TAFA4: variants seen among roughly 807,000 people sequenced by gnomAD.
TAFA4 encodes the protein TAFA chemokine like family member 4.
A neutral mutation model predicts 21.1 loss-of-function variants in TAFA4; 20 were observed. The ratio of observed to expected loss-of-function variants is 0.95; its 90% CI spans 0.67 to 1.38. The LOEUF is 1.38. TAFA4 is among the 40% of genes most tolerant of loss of function. The pLI, the probability that TAFA4 is intolerant of heterozygous loss-of-function variation, is 0.00. For synonymous variants in TAFA4, 71 were observed against 67.4 expected (o/e 1.05, Z -0.26); for missense variants, 211 against 180.9 (o/e 1.17, Z -0.95).
At chr3:68,858,452 G>A (rs977231950) in intron 3 of TAFA4, among the ~76,000 whole-genome samples, 3 of 151,934 alleles carry the variant, frequency 2.0e-5, no homozygotes, top group African/African-American at 7.3e-5. Flanking sequence ...CCCAATTGAT[G>A]GGAAAAGGAA....
chr3:68,737,983 C>A (rs942204388), intron 5 of TAFA4, among the ~76,000 whole-genome samples: 1 of 152,130 alleles, frequency 6.6e-6, no homozygotes, highest in Non-Finnish European at 1.5e-5. Context: ...CTGGGACTAG[C>A]AGGGAAAGCA....
chr3:68,920,286 A>C (rs537588061), intron 1 of TAFA4, among the ~76,000 whole-genome samples: 1 of 152,372 alleles, frequency 6.6e-6, no homozygotes, highest in African/African-American at 2.4e-5. Context: ...AAGTGAAAAA[A>C]TTCACACACA....
intron 4 of TAFA4, among the ~76,000 whole-genome samples, chr3:68,746,336 C>T (rs1559757081): frequency 2.0e-5 from 3 of 151,544 alleles, no homozygotes; most frequent in African/African-American, 7.3e-5. Context: ...ACATCTATCT[C>T]ATATATACAT....
intron 1 of TAFA4, among the ~76,000 whole-genome samples, chr3:68,892,495 T>C (rs2089740213): frequency 6.6e-6 from 1 of 152,104 alleles, no homozygotes; most frequent in Admixed American, 6.6e-5. Context: ...ATTAATCAGG[T>C]GATGGATACA....
At chr3:68,931,610 G>T (rs79904138) in intron 1 of TAFA4, among the ~76,000 whole-genome samples, 1 of 152,156 alleles carries the variant, frequency 6.6e-6, no homozygotes, top group Non-Finnish European at 1.5e-5. Flanking sequence ...TGCCACCTTG[G>T]TGGGCAAATC....
intron 3 of TAFA4, among the ~76,000 whole-genome samples, chr3:68,770,644 C>A (rs1444695164): frequency 6.6e-6 from 1 of 152,176 alleles, no homozygotes; most frequent in Admixed American, 6.5e-5. Flanking sequence ...ATCCTTCATA[C>A]ATTTTTAAAA....
At chr3:68,931,961 A>G (rs1423766027) in intron 1 of TAFA4, among the ~76,000 whole-genome samples, 1 of 152,170 alleles carries the variant, frequency 6.6e-6, no homozygotes, top group East Asian at 1.9e-4. Flanking sequence ...GGATTCTGTC[A>G]GACATGAACC....
intron 3 of TAFA4, among the ~76,000 whole-genome samples, chr3:68,774,906 G>A (rs1040827972): frequency 6.6e-6 from 1 of 152,064 alleles, no homozygotes; most frequent in South Asian, 2.1e-4. Flanking sequence ...CATAGGAGGA[G>A]GCTCTATACT....
chr3:68,783,703 G>A (rs867685526), intron 3 of TAFA4, among the ~76,000 whole-genome samples: 2,934 of 88,626 alleles, frequency 0.033, 100 homozygotes, highest in East Asian at 0.27. Context: ...GAGAGAGAGA[G>A]AGAGAAAGAA....
At chr3:68,856,689 A>G (rs1020930711) in intron 3 of TAFA4, among the ~76,000 whole-genome samples, 5 of 152,190 alleles carry the variant, frequency 3.3e-5, no homozygotes, top group African/African-American at 1.2e-4. Context: ...GATTACATGG[A>G]AAGTCGCTCA....
chr3:68,842,551 G>C (rs1471363137), intron 3 of TAFA4, among the ~76,000 whole-genome samples: 1 of 152,150 alleles, frequency 6.6e-6, no homozygotes, highest in African/African-American at 2.4e-5. Context: ...AGTTTATTTA[G>C]ATCCGATTTG....
At chr3:68,848,953 T>C (rs914579328) in intron 3 of TAFA4, among the ~76,000 whole-genome samples, 2 of 152,004 alleles carry the variant, frequency 1.3e-5, no homozygotes, top group South Asian at 2.1e-4. Context: ...AAAATGTACC[T>C]AGCGAGAAAA....
At chr3:68,813,266 T>G (rs1703882232) in intron 3 of TAFA4, among the ~76,000 whole-genome samples, 1 of 151,902 alleles carries the variant, frequency 6.6e-6, no homozygotes, top group Admixed American at 6.5e-5. Context: ...TTAAAAGAAC[T>G]AGAGAAGCAA....
chr3:68,761,951 G>C (rs56166365), intron 3 of TAFA4, among the ~76,000 whole-genome samples: 1 of 152,160 alleles, frequency 6.6e-6, no homozygotes, highest in African/African-American at 2.4e-5. Context: ...ATAAACCAGA[G>C]AAAACAAGGA....
At chr3:68,855,761 C>G (rs148835442) in intron 3 of TAFA4, among the ~76,000 whole-genome samples, 1 of 152,066 alleles carries the variant, frequency 6.6e-6, no homozygotes, top group Non-Finnish European at 1.5e-5. Flanking sequence ...CATCCCTTCT[C>G]CCCATCTTCC....
chr3:68,790,768 G>C (rs1255460486), intron 3 of TAFA4, among the ~76,000 whole-genome samples: 4 of 152,178 alleles, frequency 2.6e-5, no homozygotes, highest in Admixed American at 6.5e-5. Flanking sequence ...AGTGAGGGGT[G>C]AAAGGACCTC....
chr3:68,815,466 A>G (rs1003633043), intron 3 of TAFA4, among the ~76,000 whole-genome samples: 7 of 152,236 alleles, frequency 4.6e-5, no homozygotes, highest in Non-Finnish European at 1.0e-4. Context: ...CAAATTTACA[A>G]GAAAAAAACA....
chr3:68,767,546 C>G (rs941926474), intron 3 of TAFA4, among the ~76,000 whole-genome samples: 3 of 151,688 alleles, frequency 2.0e-5, no homozygotes, highest in African/African-American at 7.3e-5. Context: ...CAATAAATTG[C>G]AATGTATATA....
chr3:68,914,651 G>C (rs2089987363), intron 1 of TAFA4, among the ~76,000 whole-genome samples: 1 of 152,106 alleles, frequency 6.6e-6, no homozygotes, highest in Admixed American at 6.5e-5. Flanking sequence ...ACTTCAATTA[G>C]CATATTTAAT....
Sources: gnomAD v4.1 joint callset for allele counts (sites outside exome capture counted in the v4.1 genomes callset) on GRCh38, gnomAD v4.1.1 for gene constraint, MANE v1.5 for transcripts, NCBI Gene and HGNC (gene_info 2026-07-23, HGNC 2026-07-21) for gene names.